GRM8: variants seen among roughly 807,000 people sequenced by gnomAD.
GRM8 encodes the protein glutamate metabotropic receptor 8.
Under a neutral mutation model 87.2 loss-of-function variants are expected in GRM8, and 47 were observed. The ratio of observed to expected loss-of-function variants is 0.54; its 90% CI spans 0.43 to 0.69. The LOEUF is 0.69. GRM8 is among the 30% of genes least tolerant of loss of function. GRM8 has a pLI of 0.00. For synonymous variants in GRM8, 396 were observed against 404.5 expected (o/e 0.98, Z 0.25); for missense variants, 1,019 against 1,139.2 (o/e 0.89, Z 1.52).
Position 127,133,800 on chromosome 7 carries a change from A to G in GRM8, c.511-27088T>C, listed in dbSNP as rs181156975. Among the ~76,000 whole-genome samples the G allele has an allele frequency of 8.6e-5, 13 of 151,690 alleles. No individual in the cohort carries two copies. The East Asian group carries it at 1.6e-3, about 18-fold the overall frequency. On this transcript the variant is annotated intron_variant, in intron 2 of 10. Coordinates refer to ENST00000339582, the MANE Select transcript of GRM8 (RefSeq NM_000845.3). ...GGGTTTTTTTCTTTCTTAATTCTCT[A>G]TAATGTGTATGCTACTGAATGACAA...
chr7:126,614,951 C>A (rs185175299), intron 7 of GRM8, among the ~76,000 whole-genome samples: 1,821 of 152,270 alleles, frequency 0.012, 34 homozygotes, highest in African/African-American at 0.041. Flanking sequence ...AAACACTCTG[C>A]AGGATATTAT....
intron 3 of GRM8, among the ~76,000 whole-genome samples, chr7:127,089,704 C>G (rs17866952): frequency 6.6e-6 from 1 of 152,186 alleles, no homozygotes; most frequent in Non-Finnish European, 1.5e-5. Context: ...CTGTCTGAGA[C>G]AGTAAAACAA....
At chr7:126,693,648 T>C (rs1809054828) in intron 7 of GRM8, among the ~76,000 whole-genome samples, 1 of 152,164 alleles carries the variant, frequency 6.6e-6, no homozygotes, top group African/African-American at 2.4e-5. Flanking sequence ...ACATTACTTC[T>C]TAGGGTAAAA....
At chr7:126,613,344 A>G (rs565904732) in intron 7 of GRM8, among the ~76,000 whole-genome samples, 8 of 152,310 alleles carry the variant, frequency 5.3e-5, no homozygotes, top group African/African-American at 1.9e-4. Context: ...ATAGTCATTA[A>G]TTTATCAAGG....
chr7:127,184,438 C>T (rs958241438), intron 2 of GRM8, among the ~76,000 whole-genome samples: 6 of 151,768 alleles, frequency 4.0e-5, no homozygotes, highest in African/African-American at 1.4e-4. Flanking sequence ...AGGCATTTGA[C>T]AAAATCCTAT....
intron 2 of GRM8, among the ~76,000 whole-genome samples, chr7:127,147,034 C>T (rs922328451): frequency 3.3e-5 from 5 of 151,958 alleles, no homozygotes; most frequent in South Asian, 2.1e-4. Context: ...AGCATCTCTC[C>T]GTAAGTTAGA....
intron 8 of GRM8, among the ~76,000 whole-genome samples, chr7:126,567,123 A>G (rs892430718): frequency 6.6e-6 from 1 of 152,156 alleles, no homozygotes; most frequent in Non-Finnish European, 1.5e-5. Context: ...TCAACATTTT[A>G]AAGTTTCAAT....
At chr7:127,177,637 C>T (rs1024552167) in intron 2 of GRM8, among the ~76,000 whole-genome samples, 1 of 152,180 alleles carries the variant, frequency 6.6e-6, no homozygotes, top group Non-Finnish European at 1.5e-5. Context: ...CACTGGTATC[C>T]ATGGCTGAGA....
chr7:127,133,133 T>C (rs1827775766), intron 2 of GRM8, among the ~76,000 whole-genome samples: 1 of 150,830 alleles, frequency 6.6e-6, no homozygotes, highest in African/African-American at 2.4e-5. Context: ...TAAGACCCTG[T>C]CTCGGGCCAA....
chr7:126,745,622 T>C (rs1351142467), intron 7 of GRM8, among the ~76,000 whole-genome samples: 1 of 151,664 alleles, frequency 6.6e-6, no homozygotes, highest in Non-Finnish European at 1.5e-5. Flanking sequence ...ATATTAACAC[T>C]AGGCATAAAA....
chr7:126,683,076 G>T (rs1807787916), intron 7 of GRM8, among the ~76,000 whole-genome samples: 1 of 152,054 alleles, frequency 6.6e-6, no homozygotes, highest in Non-Finnish European at 1.5e-5. Context: ...ACAAAAAAAA[G>T]TGTGTGACCC....
chr7:127,199,300 A>G (rs1312418168), intron 2 of GRM8, among the ~76,000 whole-genome samples: 2 of 152,242 alleles, frequency 1.3e-5, no homozygotes, highest in Non-Finnish European at 2.9e-5. Context: ...ACGATTGCTA[A>G]TGCACAGCCA....
At chr7:126,449,870 A>G (rs1384595537) in intron 9 of GRM8, among the ~76,000 whole-genome samples, 1 of 151,710 alleles carries the variant, frequency 6.6e-6, no homozygotes, top group Non-Finnish European at 1.5e-5. Flanking sequence ...GTCACTCCAA[A>G]ATACTAACAC....
At chr7:127,057,484 C>A (rs939465785) in intron 3 of GRM8, among the ~76,000 whole-genome samples, 1 of 152,072 alleles carries the variant, frequency 6.6e-6, no homozygotes, top group African/African-American at 2.4e-5. Flanking sequence ...AAAAAGCATC[C>A]TCATCATTTT....
Position 126,904,117 on chromosome 7 carries a change from C to A in GRM8, c.873G>T (p.Leu291Phe), listed in dbSNP as rs1802442753. 2.5e-6 allele frequency: 4 copies of A among 1,608,012 alleles called. No individual in the cohort carries two copies. The East Asian group carries it at 9.0e-5, about 36-fold the overall frequency. ...FANEDDIRRILEAAKKLNQSG... is the reference protein window; with the variant it reads ...FANEDDIRRIFEAAKKLNQSG... ...TTTGGTTTAGTTTTTTTGCTGCTTC[C>A]AATATCCTCCTACAGGAATAAAAAT... Residue 291 changes from leucine (L) to phenylalanine (F), a missense_variant, in exon 5 of 11, where the codon TTG becomes TTT. Physicochemically the swap from Leu to Phe is conservative, Grantham distance 22 (BLOSUM62 0). Transcript: ENST00000339582.
chr7:126,833,016 G>A (rs1795535777), intron 6 of GRM8, among the ~76,000 whole-genome samples: 1 of 152,190 alleles, frequency 6.6e-6, no homozygotes, highest in Non-Finnish European at 1.5e-5. Context: ...GTACTGGGAG[G>A]TCACATGGTA....
At chr7:127,189,071 C>CA (rs1483170435) in intron 2 of GRM8, among the ~76,000 whole-genome samples, 2 of 152,216 alleles carry the variant, frequency 1.3e-5, no homozygotes, top group East Asian at 3.8e-4. Flanking sequence ...GGATTGTAGT[C>CA]AAACATCTAC....
rs755450424 is a variant in GRM8, at chr7:126,714,690, ACACT to A, written c.1357+55171_1357+55174del. Among the ~76,000 whole-genome samples, 34 of 152,288 alleles carry A rather than the reference ACACT, an allele frequency of 2.2e-4. 2 individuals carry two copies. The East Asian group carries it at 3.5e-3, about 16-fold the overall frequency. Reference sequence around the variant, plus strand: ...ATCCCCTTTTTCATATATACAGTTGACACTCAAACAATGCAGAAATCTGCATATA... The same window carrying A: ...ATCCCCTTTTTCATATATACAGTTGACAAACAATGCAGAAATCTGCATATA... On this transcript the variant is annotated intron_variant, in intron 7 of 10. Coordinates refer to ENST00000339582, the MANE Select transcript of GRM8 (RefSeq NM_000845.3).
At chr7:126,738,014 A>G (rs1207563992) in intron 7 of GRM8, among the ~76,000 whole-genome samples, 1 of 152,132 alleles carries the variant, frequency 6.6e-6, no homozygotes, top group Admixed American at 6.6e-5. Flanking sequence ...GTTTTGAAAA[A>G]TAAAGAGTAA....
Sources: allele counts gnomAD v4.1 joint callset (sites outside exome capture counted in the v4.1 genomes callset), GRCh38; gene constraint gnomAD v4.1.1; transcripts MANE v1.5; gene names NCBI Gene and HGNC (gene_info 2026-07-23, HGNC 2026-07-21).